RBFOX1: variants seen among roughly 807,000 people sequenced by gnomAD.
RBFOX1 encodes the protein RNA binding protein fox-1 homolog 1.
A neutral mutation model predicts 57.7 loss-of-function variants in RBFOX1; 8 were observed. The ratio of observed to expected loss-of-function variants is 0.14; its 90% confidence interval spans 0.08 to 0.25. The LOEUF (loss-of-function observed/expected upper bound fraction) is 0.25, where lower values mean the gene tolerates loss of function less well. Among genes scored for constraint, RBFOX1 ranks in the 10% least tolerant of loss-of-function variants. The probability of loss-of-function intolerance (pLI) is 1.00; values close to 1 mark genes in which losing one functional copy is unlikely to be tolerated. For missense variants in RBFOX1, 611 were observed against 548.5 expected, an observed-to-expected ratio of 1.11 and a Z score of -1.14; for synonymous variants, 326 against 222.4, an observed-to-expected ratio of 1.47 and a Z score of -4.15.
chr16:6,379,497 G>A (rs113231982), intron 2 of RBFOX1, among the ~76,000 whole-genome samples: 226 of 152,120 alleles, frequency 1.5e-3, no homozygotes, highest in African/African-American at 5.2e-3. Context: ...AGAGTTCATA[G>A]GAGGGCATAA....
At chr16:6,971,892 T>G (rs2085632777) in intron 3 of RBFOX1, among the ~76,000 whole-genome samples, 1 of 152,088 alleles carries the variant, frequency 6.6e-6, no homozygotes, top group Non-Finnish European at 1.5e-5. Context: ...ACCCTTTACA[T>G]CAGCAGCCTC....
intron 3 of RBFOX1, among the ~76,000 whole-genome samples, chr16:5,749,935 A>G (rs1306069816): frequency 6.6e-6 from 1 of 151,996 alleles, no homozygotes; most frequent in Non-Finnish European, 1.5e-5. Context: ...AGAGGGGGAG[A>G]GGTACTCTGA....
intron 2 of RBFOX1, among the ~76,000 whole-genome samples, chr16:6,504,416 T>G (rs1236086278): frequency 6.6e-6 from 1 of 152,208 alleles, no homozygotes; most frequent in South Asian, 2.1e-4. Flanking sequence ...GGCACTGGTG[T>G]ATGCTTCACC....
At chr16:5,350,551 G>C (rs2065240102) in intron 1 of RBFOX1, among the ~76,000 whole-genome samples, 2 of 152,140 alleles carry the variant, frequency 1.3e-5, no homozygotes, top group Non-Finnish European at 2.9e-5. Flanking sequence ...CCCACTTCTA[G>C]AGCCTCAGTC....
At chr16:5,787,673 GT>G (rs1353940559) in intron 3 of RBFOX1, among the ~76,000 whole-genome samples, 1 of 152,218 alleles carries the variant, frequency 6.6e-6, no homozygotes, top group Non-Finnish European at 1.5e-5. Flanking sequence ...CGCAGAGAGG[GT>G]TTGGCAGCAT....
At chr16:6,755,556 G>A (rs916517810) in intron 3 of RBFOX1, among the ~76,000 whole-genome samples, 2 of 152,126 alleles carry the variant, frequency 1.3e-5, no homozygotes, top group East Asian at 3.9e-4. Context: ...CTACAGTTTT[G>A]ATGTTTCATT....
At chr16:5,888,104 C>T (rs1327530784) in intron 4 of RBFOX1, among the ~76,000 whole-genome samples, 1 of 152,186 alleles carries the variant, frequency 6.6e-6, no homozygotes, top group Non-Finnish European at 1.5e-5. Flanking sequence ...ACCTTCCTCT[C>T]AGACCACTTT....
At chr16:7,687,173 A>C (rs1476470805) in intron 14 of RBFOX1, among the ~76,000 whole-genome samples, 1 of 152,086 alleles carries the variant, frequency 6.6e-6, no homozygotes, top group African/African-American at 2.4e-5. Context: ...AATTTGCCAC[A>C]GTGTATTGAA....
rs756756968 is a variant in RBFOX1, at chr16:5,634,424, TACTC to T, written c.318+35465_318+35468del. On this transcript the variant is annotated intron_variant, in intron 3 of 19. Coordinates refer to the RBFOX1 transcript ENST00000641259. The stretch of plus-strand genomic sequence containing the variant: ...GACAATTTAACTGTAATTGGACACT[TACTC>T]ATTTAAGCTAATTAATCATTTTAAA... 5.3e-5 allele frequency among the ~76,000 whole-genome samples: 8 copies of T among 152,342 alleles called. No homozygotes were observed. In the East Asian group the frequency reaches 5.8e-4, roughly 11 times the overall value.
At chr16:7,033,590 T>C (rs953505623) in intron 3 of RBFOX1, among the ~76,000 whole-genome samples, 1 of 152,118 alleles carries the variant, frequency 6.6e-6, no homozygotes, top group Non-Finnish European at 1.5e-5. Flanking sequence ...GGTGATATGC[T>C]TAGGATAACT....
chr16:5,565,036 A>G (rs544759125), intron 2 of RBFOX1, among the ~76,000 whole-genome samples: 1 of 152,286 alleles, frequency 6.6e-6, no homozygotes, highest in Admixed American at 6.5e-5. Flanking sequence ...AAACATGACA[A>G]CAGTTGTTCT....
intron 4 of RBFOX1, among the ~76,000 whole-genome samples, chr16:5,933,420 C>T (rs1480455356): frequency 6.6e-6 from 1 of 152,156 alleles, no homozygotes; most frequent in East Asian, 1.9e-4. Context: ...CAGAGTGGCT[C>T]CGACATGTCA....
chr16:5,867,251 A>G (rs1567646947), intron 3 of RBFOX1: 2 of 1,137,570 alleles, frequency 1.8e-6, no homozygotes, highest in East Asian at 3.2e-5. Flanking sequence ...CAATTAATCC[A>G]ATTACCTTCT....
chr16:6,971,125 A>T (rs1419333486), intron 3 of RBFOX1, among the ~76,000 whole-genome samples: 3 of 152,204 alleles, frequency 2.0e-5, no homozygotes, highest in Non-Finnish European at 4.4e-5. Flanking sequence ...GAAGACAGAC[A>T]TTTGACAATT....
intron 3 of RBFOX1, among the ~76,000 whole-genome samples, chr16:5,792,614 G>C (rs1253280829): frequency 1.3e-5 from 2 of 152,202 alleles, no homozygotes; most frequent in Non-Finnish European, 2.9e-5. Context: ...AGGCTGAGGT[G>C]GGTGGATCAC....
chr16:6,790,026 T>C (rs982492908), intron 3 of RBFOX1, among the ~76,000 whole-genome samples: 1 of 151,112 alleles, frequency 6.6e-6, no homozygotes, highest in African/African-American at 2.4e-5. Context: ...TTGTTTGAAT[T>C]TACTGTTATT....
Position 6,361,542 on chromosome 16 carries a change from C to T in RBFOX1, c.-64+44485C>T, listed in dbSNP as rs184713878. On this transcript the variant is annotated intron_variant, in intron 2 of 15. Transcript: ENST00000550418. ...TCTCGGGAGGCTGAGGCAGAAGAAT[C>T]GCTTGAACCCAGGAGGCGGAGGTTG... 3.5e-3 allele frequency among the ~76,000 whole-genome samples: 530 copies of T among 151,564 alleles called. 19 individuals are homozygous for T. The highest frequency in any genetic ancestry group is 0.033 in the Admixed American group (503 of 15,208).
chr16:6,748,891 C>T (rs1203053324), intron 3 of RBFOX1: 1 of 152,136 alleles, frequency 6.6e-6, no homozygotes. Context: ...TAAGGAAGAA[C>T]ATAGACCCCA....
intron 3 of RBFOX1, among the ~76,000 whole-genome samples, chr16:6,982,332 G>A (rs551792240): frequency 6.6e-6 from 1 of 152,260 alleles, no homozygotes; most frequent in East Asian, 1.9e-4. Flanking sequence ...CATTCCCATT[G>A]TTGGCCAGCA....
Sources: allele counts gnomAD v4.1 joint callset (sites outside exome capture counted in the v4.1 genomes callset), GRCh38; gene constraint gnomAD v4.1.1; transcripts MANE v1.5; gene names NCBI Gene and HGNC (gene_info 2026-07-23, HGNC 2026-07-21).